Variants in KCNQ2 observed in about 807,000 individuals in gnomAD.
The protein encoded by KCNQ2 is potassium voltage-gated channel subfamily Q member 2.
A neutral mutation model predicts 84.8 loss-of-function variants in KCNQ2; 14 were observed. That is an observed-to-expected ratio of 0.17 (90% CI 0.11 to 0.26). KCNQ2 has a LOEUF of 0.26. Among genes scored for constraint, KCNQ2 ranks in the 10% least tolerant of loss-of-function variants. The pLI, the probability that KCNQ2 is intolerant of heterozygous loss-of-function variation, is 1.00. For missense variants in KCNQ2, 788 were observed against 1,254.0 expected (o/e 0.63, Z 5.61); for synonymous variants, 599 against 554.1 (o/e 1.08, Z -1.14).
Position 63,413,435 on chromosome 20 carries a change from A to G in KCNQ2, c.1763+15T>C. ...CGTTCTTGTCCCCTGCTGGACAGGC[A>G]GGCGGGGCTCTTGCCTGGACTGCAG... On this transcript the variant is annotated intron_variant, in intron 15 of 16. Coordinates refer to ENST00000359125, the MANE Select transcript of KCNQ2 (RefSeq NM_172107.4). The G allele has an allele frequency of 6.2e-7, 1 of 1,612,818 alleles. No homozygotes were observed. Among genetic ancestry groups the G allele is most frequent in the South Asian group, 1.1e-5 (1 of 91,082 alleles).
chr20:63,460,712 C>T lies in KCNQ2; in HGVS notation c.296+11456G>A, dbSNP rs1249789551. On this transcript the variant is annotated intron_variant, in intron 1 of 16. Transcript: ENST00000359125. The surrounding 1 kb of genome is among the most constrained non-coding windows in gnomAD (Gnocchi z 5.4). ...CTTCCTGGCCAGGGTGGCCTCATCA[C>T]CTAATCACATTCAGGCAGACCCGGG... 6.6e-6 allele frequency among the ~76,000 whole-genome samples: 1 copy of T among 152,242 alleles called. No individual in the cohort carries two copies. The highest frequency in any genetic ancestry group is 1.5e-5 in the Non-Finnish European group (1 of 68,042).
intron 1 of KCNQ2, among the ~76,000 whole-genome samples, chr20:63,459,681 CA>C (rs1456054168): frequency 6.6e-6 from 1 of 152,174 alleles, no homozygotes; most frequent in Non-Finnish European, 1.5e-5. Context: ...CTAAATTCTC[CA>C]CTCTAAACGC....
chr20:63,427,814 C>T (rs1278075306), intron 10 of KCNQ2, among the ~76,000 whole-genome samples: 1 of 152,234 alleles, frequency 6.6e-6, no homozygotes, highest in African/African-American at 2.4e-5. Context: ...AACCAGCATC[C>T]AACCCACTGG....
chr20:63,412,896 A>G (rs2080163970), intron 15 of KCNQ2, among the ~76,000 whole-genome samples: 1 of 152,202 alleles, frequency 6.6e-6, no homozygotes, highest in Admixed American at 6.5e-5. Flanking sequence ...GAGGCTGCAC[A>G]TGTGTGGGCA....
intron 12 of KCNQ2, 121 bp downstream of exon 12, chr20:63,419,498 T>G: frequency 3.2e-6 from 3 of 948,964 alleles, no homozygotes; most frequent in Non-Finnish European, 4.9e-6. Context: ...GCCAGGGCGG[T>G]GGGTCAGAAT....
At position 63,442,199 on chromosome 20, in the gene KCNQ2, C is replaced by T. The variant is rs538940872; in HGVS notation, c.816+207G>A. 2.4e-4 allele frequency among the ~76,000 whole-genome samples: 36 copies of T among 152,184 alleles called. No homozygotes were observed. The East Asian group carries it at 6.2e-3, about 26-fold the overall frequency. On this transcript the variant is annotated intron_variant, in intron 5 of 16. Coordinates refer to ENST00000359125, the MANE Select transcript of KCNQ2 (RefSeq NM_172107.4). Reference sequence around the variant, plus strand: ...TGCCCACCACGGCTGAGCTCAGGCTCTCTGGGGCCCAGCCCTCCCCACCCA... The same window carrying T: ...TGCCCACCACGGCTGAGCTCAGGCTTTCTGGGGCCCAGCCCTCCCCACCCA...
intron 7 of KCNQ2, among the ~76,000 whole-genome samples, chr20:63,435,386 TCAACAA>T (rs1487220281): frequency 4.7e-5 from 2 of 42,810 alleles, no homozygotes; most frequent in African/African-American, 1.1e-4. Context: ...AGTCCCTATC[TCAACAA>T]CAACAAAAAA....
In KCNQ2 at chr20:63,460,475, C is replaced by T. The variant is rs558199003; in HGVS notation, c.296+11693G>A. ...CCCCCACAGCCCCCTGAGACAGCCA[C>T]GCCTAACCCCCTCCCAAGCAGGCCA... On this transcript the variant is annotated intron_variant, in intron 1 of 16. Transcript: ENST00000359125. The surrounding 1 kb of genome is among the most constrained non-coding windows in gnomAD (Gnocchi z 5.4). Among the ~76,000 whole-genome samples the T allele has an allele frequency of 6.6e-6, 1 of 151,756 alleles. No individual in the cohort carries two copies. Among genetic ancestry groups the T allele is most frequent in the African/African-American group, 2.4e-5 (1 of 41,250 alleles).
chr20:63,424,781 C>G (rs1426387995), intron 10 of KCNQ2, among the ~76,000 whole-genome samples: 1 of 152,236 alleles, frequency 6.6e-6, no homozygotes, highest in African/African-American at 2.4e-5. Flanking sequence ...GGCGTCTCAT[C>G]TGGGGCTGTT....
intron 4 of KCNQ2, among the ~76,000 whole-genome samples, chr20:63,442,917 TCACCACCATCACCATCAC>T (rs2081250608): frequency 4.6e-4 from 3 of 6,456 alleles, no homozygotes; most frequent in Non-Finnish European, 9.5e-4. Flanking sequence ...ACCATCACCA[TCACCACCATCACCATCAC>T]CACCACCATC....
At chr20:63,437,463 A>G (rs142724417) in intron 7 of KCNQ2, 12 of 152,372 alleles carry the variant, frequency 7.9e-5, no homozygotes, top group Admixed American at 2.0e-4. Flanking sequence ...ACCTTAAGGT[A>G]GGCTGGACCC....
chr20:63,447,846 C>A (rs1381860813), intron 1 of KCNQ2, among the ~76,000 whole-genome samples: 2 of 152,314 alleles, frequency 1.3e-5, no homozygotes, highest in South Asian at 4.1e-4. Context: ...ATGCTCCCGC[C>A]TCGGCCCCCC....
At chr20:63,463,080 T>TG (rs2145877450) in intron 1 of KCNQ2, among the ~76,000 whole-genome samples, 1 of 151,964 alleles carries the variant, frequency 6.6e-6, no homozygotes, top group South Asian at 2.1e-4. Flanking sequence ...TGTGTGTGTG[T>TG]GTGTGTGCAC....
At chr20:63,433,293 G>A (rs1373310499) in intron 8 of KCNQ2, among the ~76,000 whole-genome samples, 1 of 152,180 alleles carries the variant, frequency 6.6e-6, no homozygotes, top group Non-Finnish European at 1.5e-5. Flanking sequence ...TGTCCTGTTG[G>A]GGAACACCTG....
intron 15 of KCNQ2, among the ~76,000 whole-genome samples, chr20:63,411,189 C>T (rs891663853): frequency 6.6e-6 from 1 of 152,204 alleles, no homozygotes; most frequent in African/African-American, 2.4e-5. Context: ...CCTCTTCTCA[C>T]GCTTCTTCCC....
chr20:63,408,523 C>T lies in KCNQ2; in HGVS notation c.1777G>A (p.Val593Met), dbSNP rs372976131. 9 of 1,610,556 alleles carry T rather than the reference C, an allele frequency of 5.6e-6. No individual in the cohort carries two copies. The highest frequency in any genetic ancestry group is 2.7e-5 in the African/African-American group (2 of 74,906). Residue 593 changes from valine to methionine, a missense_variant, in exon 16 of 17, where the codon GTG becomes ATG. By Grantham distance (21) the Val-to-Met change is conservative. Around this residue, in one of 8 missense-constraint regions of KCNQ2, gnomAD observed 378 missense variants for 434.5 expected, o/e 0.87. Coordinates refer to ENST00000359125, the MANE Select transcript of KCNQ2 (RefSeq NM_172107.4). The surrounding 1 kb of genome is among the most constrained non-coding windows in gnomAD (Gnocchi z 5.0). ...KSLQSRVDQIVGRGPAITDKD... is the reference protein window; with the variant it reads ...KSLQSRVDQIMGRGPAITDKD... ...TCCGTGATCGCTGGGCCCCGCCCCACGATCTGGTCCACTCTACCGGGAACA... is the reference window on the plus strand; with the variant it reads ...TCCGTGATCGCTGGGCCCCGCCCCATGATCTGGTCCACTCTACCGGGAACA...
At chr20:63,470,785 C>G (rs573759895) in intron 1 of KCNQ2, 36 of 152,256 alleles carry the variant, frequency 2.4e-4, no homozygotes, top group African/African-American at 8.7e-4. Flanking sequence ...TGGGGGCCAT[C>G]AGGGGAGGCC....
rs1733917645 is a variant in KCNQ2, at chr20:63,414,774, A to C, written c.1525+129T>G. 2.3e-6 allele frequency: 2 copies of C among 858,028 alleles called. No individual in the cohort carries two copies. The highest frequency in any genetic ancestry group is 1.4e-5 in the South Asian group (1 of 72,334). 53.2% of individuals were successfully genotyped at this position (858,028 alleles called of 1,614,324 possible). A position where few individuals can be genotyped will look rare whatever the true frequency, so the allele number is the denominator to read the frequency against. On this transcript the variant is annotated intron_variant, in intron 13 of 16. Transcript: ENST00000359125. The surrounding 1 kb of genome is among the most constrained non-coding windows in gnomAD (Gnocchi z 6.6). ...TGCACAAGTCTCACCTCAATTTTAGAAAGGATAGGGGGTTCCCACTCCAAG... is the reference window on the plus strand; with the variant it reads ...TGCACAAGTCTCACCTCAATTTTAGCAAGGATAGGGGGTTCCCACTCCAAG...
At chr20:63,461,507 A>G (rs1301885044) in intron 1 of KCNQ2, among the ~76,000 whole-genome samples, 2 of 152,154 alleles carry the variant, frequency 1.3e-5, no homozygotes, top group Admixed American at 6.5e-5. Context: ...GAATCACACA[A>G]GGGGATCCTC....
Sources: gnomAD v4.1 joint callset for allele counts (sites outside exome capture counted in the v4.1 genomes callset) on GRCh38, gnomAD v4.1.1 for gene constraint, gnomAD v4.1.1 regional missense constraint, Gnocchi (gnomAD v3.1) non-coding constraint, MANE v1.5 for transcripts, NCBI Gene and HGNC (gene_info 2026-07-23, HGNC 2026-07-21) for gene names.